Variants in LRRD1 observed in about 807,000 individuals in gnomAD.
The protein encoded by LRRD1 is leucine rich repeats and death domain containing 1, also known as leucine-rich repeat and death domain-containing protein 1.
LRRD1 carries 49 observed loss-of-function variants against 69.5 expected under a neutral mutation model. That is an observed-to-expected ratio of 0.70 (90% confidence interval 0.56 to 0.89). LRRD1 has a LOEUF of 0.89. Ranked by LOEUF, LRRD1 falls within the 40% of genes least tolerant of loss-of-function variation. The pLI is 0.00. For missense variants in LRRD1, 853 were observed against 956.0 expected (o/e 0.89, Z 1.42); for synonymous variants, 303 against 338.9 (o/e 0.89, Z 1.16).
chr7:92,178,942 A>G (rs1789256966), intron 1 of LRRD1, 65 bp downstream of exon 1: 1 of 152,256 alleles, frequency 6.6e-6, no homozygotes, highest in Admixed American at 6.5e-5. Flanking sequence ...GAGAAGTGGG[A>G]AAATGAGAGA....
At chr7:92,151,738 CA>C (rs1052072001) in intron 3 of LRRD1, among the ~76,000 whole-genome samples, 1 of 152,056 alleles carries the variant, frequency 6.6e-6, no homozygotes, top group African/African-American at 2.4e-5. Context: ...CACCTGAGGT[CA>C]GGGGTTCAAG....
chr7:92,167,790 C>G (rs1418076273), intron 1 of LRRD1, among the ~76,000 whole-genome samples: 1 of 131,890 alleles, frequency 7.6e-6, no homozygotes, highest in Non-Finnish European at 1.6e-5. Context: ...GGCAGGAGAA[C>G]GGCATGAACC....
chr7:92,142,225 A>C, downstream of LRRD1: 1 of 314,688 alleles, frequency 3.2e-6, no homozygotes, highest in Non-Finnish European at 6.2e-6. Context: ...TACAGGCATG[A>C]GCCACCCTGC....
Position 92,159,182 on chromosome 7 carries a change from G to T in LRRD1, c.1939C>A (p.Leu647Ile). 6.6e-7 allele frequency: 1 copy of T among 1,515,800 alleles called. No individual in the cohort carries two copies. The highest frequency in any genetic ancestry group is 8.8e-7 in the Non-Finnish European group (1 of 1,133,886). 93.9% of individuals were successfully genotyped at this position (1,515,800 alleles called of 1,614,324 possible). ...TCTTTAAGTTGAGTCATATTAGATA[G>T]CTCTCCTGGAAGTCTTGTTAGCTGT... The part of the protein sequence containing the change: ...GRKLTRLPGE[L>I]SNMTQLKELD... Residue 647 changes from leucine to isoleucine, a missense_variant, in exon 3 of 6, where the codon CTA becomes ATA. Leu to Ile is a conservative substitution (Grantham distance 5). Coordinates refer to ENST00000458448, the MANE Select transcript of LRRD1 (RefSeq NM_001161528.2).
At chr7:92,142,427 G>A (rs989530908), downstream of LRRD1, 13 of 456,586 alleles carry the variant, frequency 2.8e-5, no homozygotes, top group Middle Eastern at 3.2e-4. Context: ...TACACACTGT[G>A]CATGATATAC....
chr7:92,174,539 A>T (rs1789150450), intron 1 of LRRD1, among the ~76,000 whole-genome samples: 3 of 17,634 alleles, frequency 1.7e-4, no homozygotes, highest in East Asian at 1.3e-3. Context: ...TTTTTTTTTG[A>T]GACAGAGTTT....
At chr7:92,165,664 A>G (rs1264477999) in intron 1 of LRRD1, among the ~76,000 whole-genome samples, 1 of 152,116 alleles carries the variant, frequency 6.6e-6, no homozygotes, top group Non-Finnish European at 1.5e-5. Context: ...GTTGGAGACC[A>G]GCCTGGCCTA....
At position 92,150,518 on chromosome 7, in the gene LRRD1, A is replaced by G. The variant is rs764303700; in HGVS notation, c.2278+16T>C. 2.7e-6 allele frequency: 4 copies of G among 1,494,180 alleles called. No homozygotes were observed. In the South Asian group the frequency reaches 4.2e-5, roughly 16 times the overall value. 92.6% of individuals were successfully genotyped at this position (1,494,180 alleles called of 1,614,324 possible). Reference sequence around the variant, plus strand: ...AAAGAAATGACTTGTTAGATAGTCAATCACTCATCACCTACCATCTCTTTC... The same window carrying G: ...AAAGAAATGACTTGTTAGATAGTCAGTCACTCATCACCTACCATCTCTTTC... On this transcript the variant is annotated intron_variant, in intron 4 of 5. Coordinates refer to ENST00000458448, the MANE Select transcript of LRRD1 (RefSeq NM_001161528.2).
chr7:92,142,421 C>G (rs1563186251), downstream of LRRD1: 2 of 456,570 alleles, frequency 4.4e-6, no homozygotes, highest in South Asian at 1.5e-5. Context: ...GACTACTACA[C>G]ACTGTGCATG....
intron 3 of LRRD1, among the ~76,000 whole-genome samples, chr7:92,151,186 C>CT (rs1395941498): frequency 6.6e-6 from 1 of 152,024 alleles, no homozygotes; most frequent in African/African-American, 2.4e-5. Context: ...CATCAGTGTC[C>CT]TTTTTCTGTT....
intron 3 of LRRD1, among the ~76,000 whole-genome samples, chr7:92,158,482 A>C (rs766833283): frequency 2.0e-5 from 3 of 151,970 alleles, no homozygotes; most frequent in Non-Finnish European, 4.4e-5. Flanking sequence ...TAATCAACGC[A>C]GTATTTGTTG....
chr7:92,175,896 A>G (rs1215092631), intron 1 of LRRD1, among the ~76,000 whole-genome samples: 1 of 152,240 alleles, frequency 6.6e-6, no homozygotes, highest in East Asian at 1.9e-4. Flanking sequence ...TAATTCTTCA[A>G]TCATAGTTCA....
At chr7:92,156,987 G>T in intron 3 of LRRD1, among the ~76,000 whole-genome samples, 1 of 146,708 alleles carries the variant, frequency 6.8e-6, no homozygotes, top group African/African-American at 2.5e-5. Context: ...GTTTGTTTTT[G>T]AAAATCTTGA....
chr7:92,146,231 C>T, intron 4 of LRRD1, 31 bp from the exon 5 acceptor site: 1 of 1,076,014 alleles, frequency 9.3e-7, no homozygotes, highest in Non-Finnish European at 1.3e-6. Context: ...AAATGTATAT[C>T]TTTTGAAAAA....
In LRRD1 at chr7:92,165,067, A is replaced by T; in HGVS notation, c.136T>A (p.Tyr46Asn). ...TSNLINEASDYLEGKSSNQIY... is the reference protein window; with the variant it reads ...TSNLINEASDNLEGKSSNQIY... Reference sequence around the variant, plus strand: ...TGGTTAGAAGATTTCCCTTCCAGGTAATCAGAAGCTTCGTTTATCAAATTT... The same window carrying T: ...TGGTTAGAAGATTTCCCTTCCAGGTTATCAGAAGCTTCGTTTATCAAATTT... The change falls in exon 2 of 6, where the codon TAC becomes AAC. Residue 46 changes from tyrosine to asparagine, a missense_variant. Physicochemically the swap from Tyr to Asn is moderately radical, Grantham distance 143 (BLOSUM62 -2). Around this residue, in one of 3 missense-constraint regions of LRRD1, gnomAD observed 99 missense variants for 107.0 expected, o/e 0.92. Coordinates refer to ENST00000458448, the MANE Select transcript of LRRD1 (RefSeq NM_001161528.2). The T allele has an allele frequency of 6.4e-7, 1 of 1,551,616 alleles. No individual in the cohort carries two copies. The highest frequency in any genetic ancestry group is 8.7e-7 in the Non-Finnish European group (1 of 1,146,942).
chr7:92,177,501 C>T (rs1789223382), intron 1 of LRRD1, among the ~76,000 whole-genome samples: 1 of 152,178 alleles, frequency 6.6e-6, no homozygotes, highest in South Asian at 2.1e-4. Flanking sequence ...ACACATAATG[C>T]CCCTGACCTG....
chr7:92,146,718 C>T (rs1029306303), intron 4 of LRRD1, among the ~76,000 whole-genome samples: 2 of 151,472 alleles, frequency 1.3e-5, no homozygotes, highest in African/African-American at 4.8e-5. Flanking sequence ...GTCGGGAGTT[C>T]GAGATCAGCC....
chr7:92,178,228 G>A (rs766911649), intron 1 of LRRD1, among the ~76,000 whole-genome samples: 28 of 151,660 alleles, frequency 1.8e-4, no homozygotes, highest in Non-Finnish European at 3.8e-4. Context: ...CAGGAGAATC[G>A]CTTGAACCCG....
intron 3 of LRRD1, among the ~76,000 whole-genome samples, chr7:92,151,324 T>A (rs1415917042): frequency 2.0e-5 from 3 of 152,242 alleles, no homozygotes; most frequent in Non-Finnish European, 4.4e-5. Flanking sequence ...TTTTGTAGAA[T>A]GTACCATAAC....
Sources: allele counts gnomAD v4.1 joint callset (sites outside exome capture counted in the v4.1 genomes callset), GRCh38; gene constraint gnomAD v4.1.1; regional missense constraint gnomAD v4.1.1; transcripts MANE v1.5; gene names NCBI Gene and HGNC (gene_info 2026-07-23, HGNC 2026-07-21).